Variants in SLC35F4 observed in about 807,000 individuals in gnomAD.
SLC35F4 encodes the protein solute carrier family 35 member F4, also known as chromosome 14 open reading frame 36.
Under a neutral mutation model 44.2 loss-of-function variants are expected in SLC35F4, and 24 were observed. That is an observed-to-expected ratio of 0.54 (90% CI 0.39 to 0.76). SLC35F4 has a LOEUF of 0.76. Ranked by LOEUF, SLC35F4 falls within the 30% of genes least tolerant of loss-of-function variation. The pLI is 0.00. For missense variants in SLC35F4, 562 were observed against 586.1 expected, an observed-to-expected ratio of 0.96 and a Z score of 0.42; for synonymous variants, 238 against 223.6, an observed-to-expected ratio of 1.06 and a Z score of -0.57.
chr14:57,772,977 A>T (rs919068671), intron 1 of SLC35F4, among the ~76,000 whole-genome samples: 14 of 152,198 alleles, frequency 9.2e-5, no homozygotes, highest in Admixed American at 5.2e-4. Context: ...CACCAACAAC[A>T]TATAAGCATT....
intron 1 of SLC35F4, among the ~76,000 whole-genome samples, chr14:57,720,748 C>A (rs1198996589): frequency 6.6e-6 from 1 of 151,828 alleles, no homozygotes; most frequent in South Asian, 2.1e-4. Flanking sequence ...GGATGGGTAC[C>A]ATCTAATCAG....
At chr14:57,667,465 C>G (rs1416690053) in intron 1 of SLC35F4, among the ~76,000 whole-genome samples, 1 of 150,726 alleles carries the variant, frequency 6.6e-6, no homozygotes, top group Admixed American at 6.6e-5. Context: ...GGTATATCTC[C>G]TAATGCTATC....
rs535648488 is a variant in SLC35F4 at position 57,646,017 on chromosome 14, C to T, written c.104-51893G>A. On this transcript the variant is annotated intron_variant, in intron 1 of 7. Coordinates refer to ENST00000556826, the MANE Select transcript of SLC35F4 (RefSeq NM_001306087.2). ...AAGCTTTTTGATGTGCTGCTGGATT[C>T]GGTTTGCCAGTATTTTATTGAGGAT... Among the ~76,000 whole-genome samples the T allele has an allele frequency of 9.2e-5, 14 of 152,188 alleles. No homozygotes were observed. In the East Asian group the frequency reaches 1.7e-3, roughly 19 times the overall value.
chr14:57,727,371 T>C (rs887022198), intron 1 of SLC35F4, among the ~76,000 whole-genome samples: 2 of 152,048 alleles, frequency 1.3e-5, no homozygotes, highest in Non-Finnish European at 2.9e-5. Flanking sequence ...GTTTTGTTGA[T>C]CTTTTATGTT....
chr14:57,896,427 C>T (rs779987326), intron 1 of SLC35F4, among the ~76,000 whole-genome samples: 96 of 152,096 alleles, frequency 6.3e-4, no homozygotes, highest in Admixed American at 1.9e-3. Flanking sequence ...GATCAAAATG[C>T]GTTTTCATTG....
At chr14:57,852,329 G>A (rs1886652047) in intron 1 of SLC35F4, among the ~76,000 whole-genome samples, 1 of 152,166 alleles carries the variant, frequency 6.6e-6, no homozygotes, top group Non-Finnish European at 1.5e-5. Flanking sequence ...GAAAGAGCCT[G>A]GAACAGGAAC....
intron 1 of SLC35F4, among the ~76,000 whole-genome samples, chr14:57,672,934 C>A (rs925515710): frequency 6.6e-6 from 1 of 151,452 alleles, no homozygotes; most frequent in South Asian, 2.1e-4. Flanking sequence ...CTTCTCCCAC[C>A]AAGTAGTTTT....
At chr14:57,900,325 A>G (rs1475457735) in intron 1 of SLC35F4, among the ~76,000 whole-genome samples, 1 of 152,188 alleles carries the variant, frequency 6.6e-6, no homozygotes, top group East Asian at 1.9e-4. Flanking sequence ...ATTCTTTCTG[A>G]TTCTGTCACA....
chr14:57,963,697 C>T (rs1485556589), intron 1 of SLC35F4, among the ~76,000 whole-genome samples: 1 of 135,488 alleles, frequency 7.4e-6, no homozygotes, highest in Non-Finnish European at 1.6e-5. Context: ...ACCCCCAGAA[C>T]ATTCATTCTA....
At chr14:57,657,657 G>A (rs1488473054) in intron 1 of SLC35F4, among the ~76,000 whole-genome samples, 2 of 152,072 alleles carry the variant, frequency 1.3e-5, no homozygotes, top group African/African-American at 2.4e-5. Context: ...TATGAGGTGA[G>A]GCAGATGGTT....
intron 1 of SLC35F4, among the ~76,000 whole-genome samples, chr14:57,915,130 C>T (rs568468662): frequency 6.6e-6 from 1 of 152,246 alleles, no homozygotes; most frequent in Admixed American, 6.5e-5. Flanking sequence ...TGAGGCCACT[C>T]GAACCATAGC....
intron 1 of SLC35F4, among the ~76,000 whole-genome samples, chr14:57,795,326 T>C (rs1371188634): frequency 6.6e-6 from 1 of 152,172 alleles, no homozygotes; most frequent in Non-Finnish European, 1.5e-5. Context: ...AGCCTTCAAG[T>C]TTCTCCCTGG....
intron 1 of SLC35F4, among the ~76,000 whole-genome samples, chr14:57,899,327 T>C (rs933801721): frequency 6.6e-6 from 1 of 152,126 alleles, no homozygotes; most frequent in African/African-American, 2.4e-5. Context: ...TTGCCCCAGG[T>C]CCCAGAGAGG....
intron 1 of SLC35F4, among the ~76,000 whole-genome samples, chr14:57,617,292 G>A (rs985838351): frequency 5.3e-5 from 8 of 151,352 alleles, no homozygotes; most frequent in East Asian, 3.9e-4. Flanking sequence ...TACCACATTC[G>A]GCTAACTTTT....
chr14:57,952,552 GGAATTGCTAACTAGAATAACCAGTTTA>G (rs1170342048), intron 1 of SLC35F4, among the ~76,000 whole-genome samples: 17 of 151,968 alleles, frequency 1.1e-4, no homozygotes, highest in African/African-American at 3.6e-4. Flanking sequence ...AAAGGTTAGA[GGAATTGCTAACTAGAATAACCAGTTTA>G]AAGAAGAACA....
intron 1 of SLC35F4, among the ~76,000 whole-genome samples, chr14:57,734,010 C>G (rs1345525584): frequency 6.6e-6 from 1 of 151,996 alleles, no homozygotes; most frequent in East Asian, 1.9e-4. Flanking sequence ...CCATGTCATC[C>G]CTCAATTCAA....
chr14:57,735,659 A>G (rs961688409), intron 1 of SLC35F4, among the ~76,000 whole-genome samples: 6 of 152,136 alleles, frequency 3.9e-5, no homozygotes, highest in Non-Finnish European at 7.4e-5. Context: ...GAAGATGCAT[A>G]ATGTTATTGC....
chr14:57,732,745 G>C (rs2076374344), intron 1 of SLC35F4, among the ~76,000 whole-genome samples: 1 of 152,144 alleles, frequency 6.6e-6, no homozygotes, highest in Non-Finnish European at 1.5e-5. Context: ...TCTTATTATA[G>C]TTGGAAGGAA....
chr14:57,577,158 T>C (rs528473846), intron 4 of SLC35F4, among the ~76,000 whole-genome samples: 1 of 152,348 alleles, frequency 6.6e-6, no homozygotes, highest in African/African-American at 2.4e-5. Context: ...TAATTCTTAA[T>C]ATTTAATATC....
Sources: allele counts gnomAD v4.1 joint callset (sites outside exome capture counted in the v4.1 genomes callset), GRCh38; gene constraint gnomAD v4.1.1; transcripts MANE v1.5; gene names NCBI Gene and HGNC (gene_info 2026-07-23, HGNC 2026-07-21).